Variants in MED13 observed in about 807,000 individuals in gnomAD.
The protein encoded by MED13 is mediator of RNA polymerase II transcription subunit 13.
A neutral mutation model predicts 225.2 loss-of-function variants in MED13; 23 were observed. That is an observed-to-expected ratio of 0.10 (90% CI 0.07 to 0.14). The LOEUF (loss-of-function observed/expected upper bound fraction) is 0.14. MED13 is among the 10% of genes least tolerant of loss of function. The pLI is 1.00. For synonymous variants in MED13, 942 were observed against 889.2 expected (o/e 1.06, Z -1.06); for missense variants, 2,197 against 2,594.5 (o/e 0.85, Z 3.33).
At chr17:62,015,950 A>AT in intron 8 of MED13, among the ~76,000 whole-genome samples, 1 of 13,780 alleles carries the variant, frequency 7.3e-5, no homozygotes. Flanking sequence ...ATATATATAT[A>AT]TATATTTTTT....
At chr17:62,057,172 T>G (rs1411321653) in intron 2 of MED13, among the ~76,000 whole-genome samples, 2 of 152,158 alleles carry the variant, frequency 1.3e-5, no homozygotes, top group Non-Finnish European at 2.9e-5. Context: ...TGCTAATGAA[T>G]AATGGCTCAA....
intron 1 of MED13, 102 bp downstream of exon 1, chr17:62,065,038 C>G: frequency 9.2e-7 from 1 of 1,083,828 alleles, no homozygotes; most frequent in Non-Finnish European, 1.3e-6. Flanking sequence ...GGGCCTCGCC[C>G]GGGAACTCGG....
chr17:62,038,297 G>A (rs534709561), intron 3 of MED13, among the ~76,000 whole-genome samples: 10 of 152,206 alleles, frequency 6.6e-5, no homozygotes, highest in African/African-American at 2.4e-4. Context: ...TCGAGAGGCT[G>A]AGGCTGAGGT....
At chr17:61,954,181 C>T (rs1041885288) in intron 26 of MED13, among the ~76,000 whole-genome samples, 5 of 152,116 alleles carry the variant, frequency 3.3e-5, no homozygotes, top group African/African-American at 7.2e-5. Context: ...GTAAAATATT[C>T]GAGTTATTAT....
Position 61,955,855 on chromosome 17 carries a change from T to TTA in MED13, c.5624-18_5624-17insTA. On this transcript the variant is annotated splice_polypyrimidine_tract_variant and intron_variant, in intron 24 of 29. Transcript: ENST00000397786. The stretch of plus-strand genomic sequence containing the variant: ...AGCTCCAATCTGTGGGTATCAACAG[T>TTA]AAAAAAAAAAAAAAAAAAAAAAAAA... The TTA allele has an allele frequency of 3.7e-6, 3 of 814,374 alleles. No homozygotes were observed. Among genetic ancestry groups the TTA allele is most frequent in the East Asian group, 7.5e-5 (1 of 13,292 alleles). The allele number at this position is 814,374 out of a possible 1,614,324, so 50.4% of individuals were successfully genotyped here.
At chr17:62,063,640 A>C (rs895346973) in intron 1 of MED13, among the ~76,000 whole-genome samples, 3 of 152,220 alleles carry the variant, frequency 2.0e-5, no homozygotes, top group African/African-American at 7.2e-5. Flanking sequence ...ACATTTGTTC[A>C]CTGGTGTCAA....
intron 23 of MED13, among the ~76,000 whole-genome samples, chr17:61,957,204 G>A (rs1350061280): frequency 1.3e-5 from 2 of 149,760 alleles, no homozygotes; most frequent in Admixed American, 6.7e-5. Context: ...ACACCACCAC[G>A]TCTAGCTAAT....
Position 61,944,273 on chromosome 17 carries a change from T to C in MED13, c.*2195A>G, listed in dbSNP as rs1241090609. The C allele has an allele frequency of 1.3e-5, 2 of 152,514 alleles. No individual in the cohort carries two copies. Among genetic ancestry groups the C allele is most frequent in the Non-Finnish European group, 1.5e-5 (1 of 67,986 alleles). The allele number at this position is 152,514 out of a possible 1,614,324, so 9.4% of individuals were successfully genotyped here. A position where few individuals can be genotyped will look rare whatever the true frequency, so the allele number is the denominator to read the frequency against. ...GTTAGTGATTTTAAACAACTGAGAA[T>C]ATAACTTTTATTTTGTAAAGTCACT... On this transcript the variant is annotated 3_prime_UTR_variant, in exon 30 of 30. Coordinates refer to ENST00000397786, the MANE Select transcript of MED13 (RefSeq NM_005121.3).
intron 17 of MED13, among the ~76,000 whole-genome samples, chr17:61,969,281 G>C (rs1325399470): frequency 6.6e-6 from 1 of 152,094 alleles, no homozygotes. Flanking sequence ...GAACCCAGGG[G>C]GTGGAGGTTG....
intron 16 of MED13, among the ~76,000 whole-genome samples, chr17:61,979,418 T>G (rs1481366626): frequency 6.6e-6 from 1 of 152,202 alleles, no homozygotes. Flanking sequence ...CAAGCTATAC[T>G]CCCACCTCAG....
At position 61,945,856 on chromosome 17, in the gene MED13, AAAAT is replaced by A. The variant is rs2079848141; in HGVS notation, c.*608_*611del. 1 of 152,618 alleles carries A rather than the reference AAAAT, an allele frequency of 6.6e-6. No individual in the cohort carries two copies. Among genetic ancestry groups the A allele is most frequent in the African/African-American group, 2.4e-5 (1 of 41,446 alleles). 9.5% of individuals were successfully genotyped at this position (152,618 alleles called of 1,614,324 possible). A position where few individuals can be genotyped will look rare whatever the true frequency, so the allele number is the denominator to read the frequency against. The stretch of plus-strand genomic sequence containing the variant: ...ACTGTCCCACCCACCCCCTTACAAA[AAAAT>A]AATACTCTAAAAGCAACCCTACTGC... On this transcript the variant is annotated 3_prime_UTR_variant, in exon 30 of 30. Coordinates refer to ENST00000397786, the MANE Select transcript of MED13 (RefSeq NM_005121.3).
At chr17:62,008,393 T>A (rs2080474929) in intron 9 of MED13, among the ~76,000 whole-genome samples, 1 of 148,292 alleles carries the variant, frequency 6.7e-6, no homozygotes, top group Non-Finnish European at 1.5e-5. Context: ...AAAAGATCAT[T>A]ATACCTGCTA....
Position 61,983,118 on chromosome 17 carries a change from T to A in MED13, c.2889-4A>T. ...TTGATCCATATTACTTCCATCACTA[T>A]CATCACCAGGGTAAAAGAAGATCAA... On this transcript the variant is annotated splice_region_variant and splice_polypyrimidine_tract_variant and intron_variant, in intron 15 of 29. Transcript: ENST00000397786. 6.3e-7 allele frequency: 1 copy of A among 1,589,632 alleles called. No individual in the cohort carries two copies. Among genetic ancestry groups the A allele is most frequent in the Non-Finnish European group, 8.6e-7 (1 of 1,165,936 alleles).
rs368356458 is a variant in MED13, at chr17:61,981,441, T to TCTAAATGATGCTGGTGAATGGCTACCC, written c.3805+756_3805+757insGGGTAGCCATTCACCAGCATCATTTAG. Among the ~76,000 whole-genome samples, 862 of 152,302 alleles carry TCTAAATGATGCTGGTGAATGGCTACCC rather than the reference T, an allele frequency of 5.7e-3. 4 individuals are homozygous for TCTAAATGATGCTGGTGAATGGCTACCC. The highest frequency in any genetic ancestry group is 0.02 in the African/African-American group (820 of 41,546). On this transcript the variant is annotated intron_variant, in intron 16 of 29. Transcript: ENST00000397786. Reference sequence around the variant, plus strand: ...AAAGGCCTTACATGGTCTATAAGACTCTAAATGATGCTGGTGAATGGCTAC... The same window carrying TCTAAATGATGCTGGTGAATGGCTACCC: ...AAAGGCCTTACATGGTCTATAAGACTCTAAATGATGCTGGTGAATGGCTACCCCTAAATGATGCTGGTGAATGGCTAC...
At chr17:62,019,575 C>T (rs892750981) in intron 8 of MED13, among the ~76,000 whole-genome samples, 1 of 152,010 alleles carries the variant, frequency 6.6e-6, no homozygotes, top group African/African-American at 2.4e-5. Context: ...AAGTAAATGG[C>T]CATACATTCA....
In MED13 at chr17:62,011,041, T is replaced by A. The variant is rs768833877; in HGVS notation, c.1476A>T (p.Ser492=). The A allele has an allele frequency of 6.2e-7, 1 of 1,614,096 alleles. No homozygotes were observed. Among genetic ancestry groups the A allele is most frequent in the Non-Finnish European group, 8.5e-7 (1 of 1,180,034 alleles). ...CAGAGATCACAAGTCTTTGGCTGGC[T>A]GAATCTGCGTCCATGCCAACATCAT... is the stretch of plus-strand genomic sequence containing the variant. ...VSDDVGMDAD[S]ASQRLVISAP... The change falls in exon 9 of 30, where the codon TCA becomes TCT. Residue 492 remains serine, a synonymous_variant. Coordinates refer to ENST00000397786, the MANE Select transcript of MED13 (RefSeq NM_005121.3).
chr17:61,984,976 C>T (rs1357977022), intron 13 of MED13, 24 bp downstream of exon 13: 5 of 1,609,720 alleles, frequency 3.1e-6, no homozygotes, highest in African/African-American at 1.3e-5. Context: ...AAATTTATCT[C>T]GAGCACAGAT....
At chr17:62,035,865 T>C (rs1217730752) in intron 3 of MED13, among the ~76,000 whole-genome samples, 3 of 152,174 alleles carry the variant, frequency 2.0e-5, no homozygotes, top group East Asian at 1.9e-4. Flanking sequence ...CATAGAATTA[T>C]TATATAGCCA....
intron 8 of MED13, among the ~76,000 whole-genome samples, chr17:62,020,707 A>T (rs9747021): frequency 0.37 from 47,103 of 128,352 alleles, 9,040 homozygotes; most frequent in East Asian, 0.73. Flanking sequence ...TTTTTTTTTT[A>T]ATTGATCATT....
Sources: gnomAD v4.1 joint callset for allele counts (sites outside exome capture counted in the v4.1 genomes callset) on GRCh38, gnomAD v4.1.1 for gene constraint, MANE v1.5 for transcripts, NCBI Gene and HGNC (gene_info 2026-07-23, HGNC 2026-07-21) for gene names.